Variants in TTC9 observed in about 807,000 individuals in gnomAD.
TTC9 encodes the protein tetratricopeptide repeat domain 9, also known as tetratricopeptide repeat protein 9A.
In TTC9, 13 loss-of-function variants were observed where a neutral mutation model predicts 22.9. That is an observed-to-expected ratio of 0.57 (90% CI 0.37 to 0.90). The LOEUF is 0.90. Ranked by LOEUF, TTC9 falls within the 40% of genes least tolerant of loss-of-function variation. TTC9 has a pLI of 0.01. For synonymous variants in TTC9, 148 were observed against 133.2 expected, an observed-to-expected ratio of 1.11 and a Z score of -0.77; for missense variants, 280 against 291.8, an observed-to-expected ratio of 0.96 and a Z score of 0.29.
chr14:70,665,110 A>G lies in TTC9; in HGVS notation c.407-2454A>G, dbSNP rs74360287. Among the ~76,000 whole-genome samples the G allele has an allele frequency of 9.8e-3, 1,492 of 152,098 alleles. 15 individuals carry two copies. The highest frequency in any genetic ancestry group is 0.017 in the Non-Finnish European group (1,172 of 67,986). On this transcript the variant is annotated intron_variant, in intron 1 of 2. Coordinates refer to ENST00000256367, the MANE Select transcript of TTC9 (RefSeq NM_015351.2). ...AAAACTGTTATTTTATTTTATTTTT[A>G]TTTTTATTTGTTAAATGGTCCTTTT...
chr14:70,666,683 G>A (rs572374517), intron 1 of TTC9, among the ~76,000 whole-genome samples: 110 of 152,236 alleles, frequency 7.2e-4, no homozygotes, highest in African/African-American at 2.4e-3. Context: ...CACGTTGTGT[G>A]GACTTGGGAA....
chr14:70,643,481 C>A (rs559972832), intron 1 of TTC9, among the ~76,000 whole-genome samples: 3 of 152,204 alleles, frequency 2.0e-5, no homozygotes, highest in African/African-American at 7.2e-5. Context: ...GCATTCTCTC[C>A]TCTTCTCTTG....
intron 1 of TTC9, among the ~76,000 whole-genome samples, chr14:70,655,598 G>C (rs571809948): frequency 7.5e-4 from 114 of 152,220 alleles, no homozygotes; most frequent in African/African-American, 2.5e-3. Flanking sequence ...ACAAGGGGTT[G>C]TTCTCACGTG....
At chr14:70,659,896 T>A (rs910693636) in intron 1 of TTC9, among the ~76,000 whole-genome samples, 4 of 152,158 alleles carry the variant, frequency 2.6e-5, no homozygotes, top group African/African-American at 9.7e-5. Context: ...TTTGGGCAAG[T>A]GACTTGACTT....
rs61046584 is a variant in TTC9, at chr14:70,654,587, CAAAAAAAAAAAAAAAA to C, written c.406+12072_406+12087del. Among the ~76,000 whole-genome samples the C allele has an allele frequency of 2.6e-3, 151 of 57,166 alleles. 2 individuals are homozygous for C. The highest frequency in any genetic ancestry group is 0.013 in the South Asian group (23 of 1,812). 37.5% of individuals were successfully genotyped at this position (57,166 alleles called of 152,430 possible). ...CCTGGGCAACAGTAAGGCTCTGTCTCAAAAAAAAAAAAAAAAAAAAAAAAAAAAAAAAAAATTCTAA... is the reference window on the plus strand; with the variant it reads ...CCTGGGCAACAGTAAGGCTCTGTCTCAAAAAAAAAAAAAAAAAAATTCTAA... On this transcript the variant is annotated intron_variant, in intron 1 of 2. Transcript: ENST00000256367.
At chr14:70,646,619 C>G (rs1224530537) in intron 1 of TTC9, among the ~76,000 whole-genome samples, 1 of 152,218 alleles carries the variant, frequency 6.6e-6, no homozygotes, top group Non-Finnish European at 1.5e-5. Context: ...AGGCTAGGAG[C>G]TTGTGCCTCT....
intron 2 of TTC9, among the ~76,000 whole-genome samples, chr14:70,670,750 G>A (rs902885218): frequency 1.3e-5 from 2 of 152,162 alleles, no homozygotes; most frequent in African/African-American, 4.8e-5. Flanking sequence ...TCCAACTGGG[G>A]TCTCACTAAA....
At chr14:70,661,445 A>G (rs565798983) in intron 1 of TTC9, among the ~76,000 whole-genome samples, 1 of 152,326 alleles carries the variant, frequency 6.6e-6, no homozygotes, top group East Asian at 1.9e-4. Context: ...CTGGCCCCAG[A>G]TGGGTCTGGT....
intron 1 of TTC9, among the ~76,000 whole-genome samples, chr14:70,662,928 C>A (rs1886164679): frequency 6.6e-6 from 1 of 152,228 alleles, no homozygotes; most frequent in South Asian, 2.1e-4. Flanking sequence ...ATGAACGGCT[C>A]TACCTTGCAA....
In TTC9 at chr14:70,657,359, G is replaced by GAAGTTGGGATTCAA. The variant is rs1886081470; in HGVS notation, c.407-10205_407-10204insAAGTTGGGATTCAA. Among the ~76,000 whole-genome samples the GAAGTTGGGATTCAA allele has an allele frequency of 1.6e-4, 25 of 152,318 alleles. No individual in the cohort carries two copies. In the South Asian group the frequency reaches 4.6e-3, roughly 28 times the overall value. On this transcript the variant is annotated intron_variant, in intron 1 of 2. Transcript: ENST00000256367. ...CAGCTCTGGTAGTGATCCCAAAGGTGGGGCATCCATGTGAAGAATCAGAGG... is the reference window on the plus strand; with the variant it reads ...CAGCTCTGGTAGTGATCCCAAAGGTGAAGTTGGGATTCAAGGGCATCCATGTGAAGAATCAGAGG...
chr14:70,650,153 C>T (rs1885962512), intron 1 of TTC9, among the ~76,000 whole-genome samples: 1 of 152,192 alleles, frequency 6.6e-6, no homozygotes, highest in Admixed American at 6.5e-5. Context: ...TGGCTGGGCA[C>T]AGTGGCTCAC....
At position 70,672,752 on chromosome 14, in the gene TTC9, G is replaced by C. The variant is rs1474698962; in HGVS notation, c.*1597G>C. On this transcript the variant is annotated 3_prime_UTR_variant, in exon 3 of 3. Coordinates refer to ENST00000256367, the MANE Select transcript of TTC9 (RefSeq NM_015351.2). ...TCATTTCTTTCATGCAGTTACTCTG[G>C]GATACTGTTCCCATTTGATGGGTAA... is the stretch of plus-strand genomic sequence containing the variant. 6.6e-6 allele frequency: 1 copy of C among 152,052 alleles called. No individual in the cohort carries two copies. The highest frequency in any genetic ancestry group is 2.4e-5 in the African/African-American group (1 of 41,394). 9.4% of individuals were successfully genotyped at this position (152,052 alleles called of 1,614,324 possible).
intron 1 of TTC9, among the ~76,000 whole-genome samples, chr14:70,660,081 T>C (rs1174339726): frequency 6.6e-6 from 1 of 152,242 alleles, no homozygotes; most frequent in Non-Finnish European, 1.5e-5. Context: ...ATGGATACTG[T>C]CCACTGGTGC....
At chr14:70,651,584 C>T (rs1350777699) in intron 1 of TTC9, among the ~76,000 whole-genome samples, 1 of 152,150 alleles carries the variant, frequency 6.6e-6, no homozygotes, top group East Asian at 1.9e-4. Context: ...GCAGTGGCCA[C>T]CATCCCAGTC....
chr14:70,671,983 A>G lies in TTC9; in HGVS notation c.*828A>G. On this transcript the variant is annotated 3_prime_UTR_variant, in exon 3 of 3. Transcript: ENST00000256367. ...GAGCATCGTATAGGCTAGGGGATTG[A>G]ACTGTGGACTGATTCAGTGTAAATA... The G allele has an allele frequency of 6.6e-6, 1 of 152,228 alleles. No individual in the cohort carries two copies. The highest frequency in any genetic ancestry group is 1.9e-4 in the East Asian group (1 of 5,186). The allele number at this position is 152,228 out of a possible 1,614,324, so 9.4% of individuals were successfully genotyped here.
intron 1 of TTC9, 92 bp from the exon 2 acceptor site, chr14:70,667,472 C>A: frequency 7.1e-7 from 1 of 1,409,696 alleles, no homozygotes; most frequent in Non-Finnish European, 9.8e-7. Context: ...AAACCCCAAC[C>A]CTGCTAAACC....
chr14:70,642,598 C>G, intron 1 of TTC9, 63 bp downstream of exon 1: 5 of 1,426,476 alleles, frequency 3.5e-6, no homozygotes, highest in Non-Finnish European at 4.7e-6. Flanking sequence ...CTCCGCGGAC[C>G]ACTGCGGCGC....
chr14:70,660,195 C>T (rs74063319), intron 1 of TTC9, among the ~76,000 whole-genome samples: 4,815 of 152,262 alleles, frequency 0.032, 297 homozygotes, highest in African/African-American at 0.11. Flanking sequence ...TATTTCAAAT[C>T]ACTAACAAGA....
chr14:70,652,165 A>G (rs1871736778), intron 1 of TTC9, among the ~76,000 whole-genome samples: 1 of 152,214 alleles, frequency 6.6e-6, no homozygotes, highest in South Asian at 2.1e-4. Flanking sequence ...GGCTTCTAGC[A>G]ACCCCCTCCC....
Sources: gnomAD v4.1 joint callset for allele counts (sites outside exome capture counted in the v4.1 genomes callset) on GRCh38, gnomAD v4.1.1 for gene constraint, MANE v1.5 for transcripts, NCBI Gene and HGNC (gene_info 2026-07-23, HGNC 2026-07-21) for gene names.